NRXN1: variants seen among roughly 807,000 people sequenced by gnomAD.
NRXN1 encodes the protein neurexin 1, also known as neurexin-1.
Under a neutral mutation model 150.9 loss-of-function variants are expected in NRXN1, and 39 were observed. That is an observed-to-expected ratio of 0.26 (90% CI 0.20 to 0.34). The LOEUF is 0.34. Ranked by LOEUF, NRXN1 falls within the 10% of genes least tolerant of loss-of-function variation. The pLI is 1.00. For synonymous variants in NRXN1, 924 were observed against 757.0 expected (o/e 1.22, Z -3.62); for missense variants, 1,815 against 1,949.9 (o/e 0.93, Z 1.30).
chr2:50,857,924 T>C (rs1675505738), intron 5 of NRXN1, among the ~76,000 whole-genome samples: 1 of 152,138 alleles, frequency 6.6e-6, no homozygotes, highest in African/African-American at 2.4e-5. Context: ...TGCTATACAA[T>C]GATGCAATCC....
intron 5 of NRXN1, among the ~76,000 whole-genome samples, chr2:50,795,804 G>A (rs1298623971): frequency 1.3e-5 from 2 of 151,796 alleles, no homozygotes; most frequent in African/African-American, 4.8e-5. Context: ...ATGGTGCATG[G>A]TCTTAATTAT....
chr2:50,445,273 T>C (rs2086298025), intron 17 of NRXN1, among the ~76,000 whole-genome samples: 1 of 152,176 alleles, frequency 6.6e-6, no homozygotes, highest in Admixed American at 6.6e-5. Flanking sequence ...CTCAAAATCC[T>C]GGAACAGTTG....
rs147687290 is a variant in NRXN1 at position 50,682,158 on chromosome 2, T to A, written c.833-58543A>T. Among the ~76,000 whole-genome samples the A allele has an allele frequency of 4.3e-3, 654 of 152,294 alleles. 4 individuals are homozygous for A. The highest frequency in any genetic ancestry group is 0.015 in the African/African-American group (607 of 41,564). ...GAATTCACACCTGGATTAATTAATT[T>A]TCATCTTCTATGTCCTAAAACTCAT... On this transcript the variant is annotated intron_variant, in intron 5 of 22. Coordinates refer to ENST00000401669, the MANE Select transcript of NRXN1 (RefSeq NM_001330078.2).
chr2:50,867,422 G>A (rs1284268063), intron 5 of NRXN1, among the ~76,000 whole-genome samples: 1 of 151,760 alleles, frequency 6.6e-6, no homozygotes, highest in Non-Finnish European at 1.5e-5. Context: ...GGGGACAGAC[G>A]GAGAACTGTG....
intron 5 of NRXN1, among the ~76,000 whole-genome samples, chr2:50,718,561 T>C (rs858940): frequency 0.63 from 95,981 of 152,060 alleles, 30,416 homozygotes; most frequent in African/African-American, 0.67. Context: ...CAAGTTCATA[T>C]GATGATTTAA....
chr2:50,399,774 T>C (rs1246915254), intron 17 of NRXN1, among the ~76,000 whole-genome samples: 1 of 91,568 alleles, frequency 1.1e-5, no homozygotes, highest in Non-Finnish European at 2.0e-5. Context: ...CCCAGCTCTG[T>C]AACGAGAGAA....
chr2:51,017,805 T>C (rs766911665), intron 2 of NRXN1, among the ~76,000 whole-genome samples: 3 of 152,092 alleles, frequency 2.0e-5, no homozygotes, highest in Non-Finnish European at 4.4e-5. Context: ...TAATTTTAAA[T>C]AAATAATTAC....
At chr2:50,804,287 C>A (rs969055459) in intron 5 of NRXN1, among the ~76,000 whole-genome samples, 2 of 152,002 alleles carry the variant, frequency 1.3e-5, no homozygotes, top group African/African-American at 2.4e-5. Context: ...TAAGCAAAGG[C>A]GAGTTTAAAA....
chr2:49,988,011 C>T (rs967186692), intron 21 of NRXN1, among the ~76,000 whole-genome samples: 6 of 151,782 alleles, frequency 4.0e-5, no homozygotes, highest in Non-Finnish European at 7.4e-5. Flanking sequence ...AAAAAAGTAA[C>T]AAATATTACT....
intron 5 of NRXN1, among the ~76,000 whole-genome samples, chr2:50,832,927 A>C (rs1232227602): frequency 6.6e-6 from 1 of 152,212 alleles, no homozygotes; most frequent in Non-Finnish European, 1.5e-5. Context: ...AATCTGACAA[A>C]AGACTTGAAT....
At chr2:50,301,888 C>G (rs2074185659) in intron 17 of NRXN1, among the ~76,000 whole-genome samples, 2 of 152,114 alleles carry the variant, frequency 1.3e-5, no homozygotes, top group Non-Finnish European at 2.9e-5. Context: ...GACATTCTTT[C>G]CCTCAAAGAA....
At chr2:50,179,483 C>T (rs918787793) in intron 18 of NRXN1, among the ~76,000 whole-genome samples, 1 of 152,128 alleles carries the variant, frequency 6.6e-6, no homozygotes, top group African/African-American at 2.4e-5. Flanking sequence ...ATTAGACCCA[C>T]TGAACTTGGG....
intron 15 of NRXN1, among the ~76,000 whole-genome samples, chr2:50,490,931 T>A (rs1236207372): frequency 1.3e-5 from 2 of 151,568 alleles, no homozygotes; most frequent in Non-Finnish European, 2.9e-5. Flanking sequence ...TGTTAATAAA[T>A]CTCTTTCCCT....
intron 2 of NRXN1, chr2:51,026,234 C>CTTT (rs35095211): frequency 5.7e-5 from 37 of 650,932 alleles, no homozygotes; most frequent in East Asian, 5.5e-4. Context: ...AATAATTCAC[C>CTTT]TTTTTTCACC....
At chr2:50,554,570 GCATTCATTCCAATGCCAATCA>G (rs1667963161) in intron 8 of NRXN1, 1 of 151,986 alleles carries the variant, frequency 6.6e-6, no homozygotes, top group Non-Finnish European at 1.5e-5. Flanking sequence ...CTACATAAAG[GCATTCATTCCAATGCCAATCA>G]CATTGTAAGA....
intron 5 of NRXN1, chr2:50,632,973 A>C (rs1471575584): frequency 6.6e-6 from 1 of 152,102 alleles, no homozygotes; most frequent in Non-Finnish European, 1.5e-5. Context: ...TATTACAATA[A>C]AATTCTCTGT....
In NRXN1 at chr2:50,346,037, G is replaced by A. The variant is rs891749889; in HGVS notation, c.3365-109067C>T. ...GGATGGAAGGGGAATGGTGTCCAGA[G>A]GTCCCCTCCATGCCTGCGAAGGGCT... On this transcript the variant is annotated intron_variant, in intron 17 of 22. Coordinates refer to ENST00000401669, the MANE Select transcript of NRXN1 (RefSeq NM_001330078.2). This position sits in a 1 kb window ranked among gnomAD's most constrained non-coding sequence, Gnocchi z 5.0. Among the ~76,000 whole-genome samples, 2 of 152,206 alleles carry A rather than the reference G, an allele frequency of 1.3e-5. No individual in the cohort carries two copies. The highest frequency in any genetic ancestry group is 2.9e-5 in the Non-Finnish European group (2 of 68,044).
At chr2:50,759,179 T>C (rs530282646) in intron 5 of NRXN1, among the ~76,000 whole-genome samples, 1 of 152,072 alleles carries the variant, frequency 6.6e-6, no homozygotes, top group East Asian at 1.9e-4. Context: ...TGTAGATAAA[T>C]TGCATAATGC....
Position 49,921,589 on chromosome 2 carries a change from T to G in NRXN1, c.*355A>C. 1 of 205,134 alleles carries G rather than the reference T, an allele frequency of 4.9e-6. No individual in the cohort carries two copies. The highest frequency in any genetic ancestry group is 9.9e-6 in the Non-Finnish European group (1 of 101,424). The allele number at this position is 205,134 out of a possible 1,614,324, so 12.7% of individuals were successfully genotyped here. A position where few individuals can be genotyped will look rare whatever the true frequency, so the allele number is the denominator to read the frequency against. Reference sequence around the variant, plus strand: ...GTAGCTTCTTTTTTGTGTTATGTTTTGTGTTGGTTTTTGTGTTGTGCCTTG... The same window carrying G: ...GTAGCTTCTTTTTTGTGTTATGTTTGGTGTTGGTTTTTGTGTTGTGCCTTG... On this transcript the variant is annotated 3_prime_UTR_variant, in exon 23 of 23. Coordinates refer to ENST00000401669, the MANE Select transcript of NRXN1 (RefSeq NM_001330078.2).
Sources: gnomAD v4.1 joint callset for allele counts (sites outside exome capture counted in the v4.1 genomes callset) on GRCh38, gnomAD v4.1.1 for gene constraint, Gnocchi (gnomAD v3.1) non-coding constraint, MANE v1.5 for transcripts, NCBI Gene and HGNC (gene_info 2026-07-23, HGNC 2026-07-21) for gene names.